The following CNNM1 variants were observed in gnomAD, a reference collection of about 807,000 sequenced individuals.
The protein encoded by CNNM1 is metal transporter CNNM1.
CNNM1 carries 44 observed loss-of-function variants against 78.8 expected under a neutral mutation model. The ratio of observed to expected loss-of-function variants is 0.56; its 90% confidence interval spans 0.44 to 0.72. The LOEUF (loss-of-function observed/expected upper bound fraction) is 0.72, where lower values mean the gene tolerates loss of function less well. CNNM1 is among the 30% of genes least tolerant of loss of function. The pLI, the probability that CNNM1 is intolerant of heterozygous loss-of-function variation, is 0.00. For synonymous variants in CNNM1, 584 were observed against 581.5 expected, an observed-to-expected ratio of 1.00 and a Z score of -0.06; for missense variants, 1,101 against 1,292.2, an observed-to-expected ratio of 0.85 and a Z score of 2.27.
intron 5 of CNNM1, 89 bp downstream of exon 5, chr10:99,364,605 C>A: frequency 1.9e-6 from 2 of 1,061,434 alleles, no homozygotes; most frequent in Non-Finnish European, 2.7e-6. Context: ...CCCTTTGACT[C>A]TTGTTAATCA....
intron 6 of CNNM1, among the ~76,000 whole-genome samples, chr10:99,376,854 C>T (rs2031977769): frequency 6.6e-6 from 1 of 152,136 alleles, no homozygotes; most frequent in Non-Finnish European, 1.5e-5. Context: ...TAAACATCAA[C>T]AAAGCAGCTC....
rs530605029 is a variant in CNNM1 at position 99,338,684 on chromosome 10, G to A, written c.1573+7724G>A. Among the ~76,000 whole-genome samples the A allele has an allele frequency of 5.8e-3, 887 of 152,156 alleles. 10 individuals carry two copies. The highest frequency in any genetic ancestry group is 0.02 in the African/African-American group (818 of 41,508). On this transcript the variant is annotated intron_variant, in intron 1 of 10. Transcript: ENST00000356713. ...GAAAAAAGAAGTATGAAAATCATAT[G>A]AGGATAATCATCCCACTATCCTGAA... is the stretch of plus-strand genomic sequence containing the variant.
rs1331231452 is a variant in CNNM1, at chr10:99,329,628, C to T, written c.241C>T (p.Pro81Ser). 1 of 1,506,826 alleles carries T rather than the reference C, an allele frequency of 6.6e-7. No homozygotes were observed. The allele number at this position is 1,506,826 out of a possible 1,614,324, so 93.3% of individuals were successfully genotyped here. A position where few individuals can be genotyped will look rare whatever the true frequency, so the allele number is the denominator to read the frequency against. Residue 81 changes from proline (P) to serine (S), a missense_variant, in exon 1 of 11, where the codon CCG (proline) becomes TCG (serine). By Grantham distance (74) the Pro-to-Ser change is moderately conservative (BLOSUM62 -1). Around this residue, in one of 3 missense-constraint regions of CNNM1, gnomAD observed 476 missense variants for 484.5 expected, o/e 0.98. Transcript: ENST00000356713. ...LLRVYFQPGP[P>S]ATAAPVPSPT... ...GCGTGTCTATTTCCAGCCAGGACCG[C>T]CGGCCACCGCCGCACCGGTGCCCTC...
chr10:99,362,257 C>G lies in CNNM1; in HGVS notation c.1889C>G (p.Ser630Trp). 1 of 1,613,520 alleles carries G rather than the reference C, an allele frequency of 6.2e-7. No homozygotes were observed. Among genetic ancestry groups the G allele is most frequent in the Non-Finnish European group, 8.5e-7 (1 of 1,179,682 alleles). Residue 630 changes from serine (S) to tryptophan (W), a missense_variant, in exon 4 of 11, where the codon TCG (serine) becomes TGG (tryptophan). Physicochemically the swap from Ser to Trp is radical, Grantham distance 177. Transcript: ENST00000356713. The stretch of plus-strand genomic sequence containing the variant: ...GAGCCCTTTAAGTCTCTGTACCTTT[C>G]GGAGAAGATCCTGCTCCGGCTCCTG... Reference protein sequence around the residue: ...EVEPFKSLYLSEKILLRLLKH... With the variant: ...EVEPFKSLYLWEKILLRLLKH...
chr10:99,357,147 G>A (rs148227771), intron 1 of CNNM1, among the ~76,000 whole-genome samples: 1 of 152,304 alleles, frequency 6.6e-6, no homozygotes, highest in East Asian at 1.9e-4. Context: ...GGGGAAGGGG[G>A]CTTAGGGGAG....
At chr10:99,342,518 T>C (rs982420946) in intron 1 of CNNM1, among the ~76,000 whole-genome samples, 8 of 152,226 alleles carry the variant, frequency 5.3e-5, no homozygotes, top group Admixed American at 5.2e-4. Flanking sequence ...TAGAGCAGGA[T>C]AATTACTATA....
chr10:99,349,866 G>A (rs1350025056), intron 1 of CNNM1, among the ~76,000 whole-genome samples: 1 of 152,152 alleles, frequency 6.6e-6, no homozygotes, highest in Non-Finnish European at 1.5e-5. Flanking sequence ...GGGCGTGGTG[G>A]CGTGTGCCTG....
At position 99,329,369 on chromosome 10, in the gene CNNM1, C is replaced by A; in HGVS notation, c.-19C>A. 1.7e-6 allele frequency: 1 copy of A among 603,750 alleles called. No individual in the cohort carries two copies. Among genetic ancestry groups the A allele is most frequent in the Non-Finnish European group, 2.7e-6 (1 of 369,548 alleles). 37.4% of individuals were successfully genotyped at this position (603,750 alleles called of 1,614,324 possible). A position where few individuals can be genotyped will look rare whatever the true frequency, so the allele number is the denominator to read the frequency against. ...GCTCGGCTTCCTGCAGTATCACGTG[C>A]AGCTGCGCTGGGTGCAGGATGGCGG... is the stretch of plus-strand genomic sequence containing the variant. On this transcript the variant is annotated 5_prime_UTR_variant, in exon 1 of 11. Transcript: ENST00000356713.
intron 6 of CNNM1, among the ~76,000 whole-genome samples, chr10:99,365,895 A>AT (rs2031601227): frequency 6.6e-6 from 1 of 152,222 alleles, no homozygotes; most frequent in African/African-American, 2.4e-5. Context: ...GGTAGATACC[A>AT]TTTTAACATG....
chr10:99,378,904 C>T (rs1412723969), intron 7 of CNNM1, among the ~76,000 whole-genome samples: 6 of 152,198 alleles, frequency 3.9e-5, no homozygotes, highest in Admixed American at 1.3e-4. Context: ...AGTGCCTTTA[C>T]GAGCTGACCG....
chr10:99,353,321 G>T (rs1287034934), intron 1 of CNNM1, among the ~76,000 whole-genome samples: 1 of 152,046 alleles, frequency 6.6e-6, no homozygotes, highest in Admixed American at 6.6e-5. Flanking sequence ...TGGGGGTGGG[G>T]ATCACATATA....
chr10:99,329,829 C>A lies in CNNM1; in HGVS notation c.442C>A (p.Pro148Thr). The A allele has an allele frequency of 1.4e-6, 2 of 1,429,666 alleles. No individual in the cohort carries two copies. Among genetic ancestry groups the A allele is most frequent in the South Asian group, 1.5e-5 (1 of 67,864 alleles). 88.6% of individuals were successfully genotyped at this position (1,429,666 alleles called of 1,614,324 possible). A position where few individuals can be genotyped will look rare whatever the true frequency, so the allele number is the denominator to read the frequency against. ...GGCATCGGACGTGGAAGTCCTGGGGCCCTTGCGTCCCGGGGGCGTGGCAGG... is the reference window on the plus strand; with the variant it reads ...GGCATCGGACGTGGAAGTCCTGGGGACCTTGCGTCCCGGGGGCGTGGCAGG... Reference protein sequence around the residue: ...DWASDVEVLGPLRPGGVAGSA... With the variant: ...DWASDVEVLGTLRPGGVAGSA... The change falls in exon 1 of 11, where the codon CCC (proline) becomes ACC (threonine). Residue 148 changes from proline (P) to threonine (T), a missense_variant. By Grantham distance (38) the Pro-to-Thr change is conservative (BLOSUM62 -1). Transcript: ENST00000356713.
At chr10:99,355,774 A>G (rs535518734) in intron 1 of CNNM1, among the ~76,000 whole-genome samples, 2 of 152,358 alleles carry the variant, frequency 1.3e-5, no homozygotes, top group East Asian at 3.9e-4. Context: ...TGTGGAGAAT[A>G]GCACTTACCT....
chr10:99,384,043 T>C (rs527495737), intron 7 of CNNM1, among the ~76,000 whole-genome samples: 2 of 152,084 alleles, frequency 1.3e-5, no homozygotes, highest in Non-Finnish European at 2.9e-5. Flanking sequence ...TTGGATATAT[T>C]GGGTTAAATG....
chr10:99,330,376 T>C lies in CNNM1; in HGVS notation c.989T>C (p.Val330Ala), dbSNP rs776688198. The C allele has an allele frequency of 6.3e-6, 10 of 1,597,312 alleles. No individual in the cohort carries two copies. In the African/African-American group the frequency reaches 1.1e-4, roughly 17 times the overall value. Residue 330 changes from valine to alanine, a missense_variant, in exon 1 of 11, where the codon GTG becomes GCG. Val to Ala is a moderately conservative substitution (Grantham distance 64). Around this residue, in one of 3 missense-constraint regions of CNNM1, gnomAD observed 476 missense variants for 484.5 expected, o/e 0.98. Transcript: ENST00000356713. ...CACTTCCCGTGGCTGCCGGCGCTCGTGTGCACCGGCGCGGTATTCCTGGGC... is the reference window on the plus strand; with the variant it reads ...CACTTCCCGTGGCTGCCGGCGCTCGCGTGCACCGGCGCGGTATTCCTGGGC... ...GIHFPWLPALVCTGAVFLGAE... is the reference protein window; with the variant it reads ...GIHFPWLPALACTGAVFLGAE...
intron 7 of CNNM1, among the ~76,000 whole-genome samples, chr10:99,380,599 T>G (rs2032112889): frequency 6.6e-6 from 1 of 152,096 alleles, no homozygotes; most frequent in South Asian, 2.1e-4. Flanking sequence ...GTGACCAGCC[T>G]GGACAACATG....
rs999774430 is a variant in CNNM1, at chr10:99,368,657, G to C, written c.2176+3655G>C. 8.5e-6 allele frequency: 11 copies of C among 1,289,502 alleles called. No homozygotes were observed. The East Asian group carries it at 6.1e-4, about 72-fold the overall frequency. 79.9% of individuals were successfully genotyped at this position (1,289,502 alleles called of 1,614,324 possible). ...TCTCGTACCTTCGCTGTCAGCAGAG[G>C]GGACTCTCTGGCAGGCTCCCCAGGT... On this transcript the variant is annotated intron_variant, in intron 6 of 10. Transcript: ENST00000356713.
At chr10:99,357,890 C>T (rs2031279128) in intron 2 of CNNM1, among the ~76,000 whole-genome samples, 1 of 152,092 alleles carries the variant, frequency 6.6e-6, no homozygotes, top group Admixed American at 6.5e-5. Context: ...GGAACTGAGC[C>T]AAGACTATGA....
chr10:99,369,275 C>T (rs2031726753), intron 6 of CNNM1, among the ~76,000 whole-genome samples: 1 of 152,202 alleles, frequency 6.6e-6, no homozygotes, highest in African/African-American at 2.4e-5. Context: ...GAGTAGAATG[C>T]CACAAATCTG....
Sources: allele counts gnomAD v4.1 joint callset (sites outside exome capture counted in the v4.1 genomes callset), GRCh38; gene constraint gnomAD v4.1.1; regional missense constraint gnomAD v4.1.1; transcripts MANE v1.5; gene names NCBI Gene and HGNC (gene_info 2026-07-23, HGNC 2026-07-21).